The following FOXN4 variants were observed in gnomAD, a reference collection of about 807,000 sequenced individuals.
The protein encoded by FOXN4 is forkhead box protein N4.
FOXN4 carries 12 observed loss-of-function variants against 45.0 expected under a neutral mutation model. That is an observed-to-expected ratio of 0.27 (90% confidence interval 0.17 to 0.43). FOXN4 has a LOEUF of 0.43. Ranked by LOEUF, FOXN4 falls within the 20% of genes least tolerant of loss-of-function variation. The pLI is 1.00. For synonymous variants in FOXN4, 297 were observed against 295.0 expected (o/e 1.01, Z -0.07); for missense variants, 560 against 694.9 (o/e 0.81, Z 2.18).
In FOXN4 at chr12:109,287,989, C is replaced by T. The variant is rs773586751; in HGVS notation, c.358-35G>A. 17 of 1,549,422 alleles carry T rather than the reference C, an allele frequency of 1.1e-5. No individual in the cohort carries two copies. Among genetic ancestry groups the T allele is most frequent in the Non-Finnish European group, 1.4e-5 (16 of 1,146,844 alleles). On this transcript the variant is annotated intron_variant, in intron 4 of 9. Transcript: ENST00000299162. This position sits in a 1 kb window ranked among gnomAD's most constrained non-coding sequence, Gnocchi z 4.1. Reference sequence around the variant, plus strand: ...AGGAAGAGGAGGAGACAGAGGGTCACGGTGGGGGTAGACACCCAGTCTGGA... The same window carrying T: ...AGGAAGAGGAGGAGACAGAGGGTCATGGTGGGGGTAGACACCCAGTCTGGA...
At position 109,281,776 on chromosome 12, in the gene FOXN4, C is replaced by G. The variant is rs267603292; in HGVS notation, c.925G>C (p.Asp309His). 1.3e-6 allele frequency: 2 copies of G among 1,589,200 alleles called. No individual in the cohort carries two copies. The highest frequency in any genetic ancestry group is 1.3e-5 in the African/African-American group (1 of 74,750). Residue 309 changes from aspartate to histidine, a missense_variant, in exon 9 of 10, where the codon GAC becomes CAC. Coordinates refer to ENST00000299162, the MANE Select transcript of FOXN4 (RefSeq NM_213596.3). ...NPEELDKLISDRPESCRRPGK... is the reference protein window; with the variant it reads ...NPEELDKLISHRPESCRRPGK... Reference sequence around the variant, plus strand: ...GGGCGCCGGCAGCTTTCAGGCCGGTCGGAGATCAGCTTGTCCAACTCCTCT... The same window carrying G: ...GGGCGCCGGCAGCTTTCAGGCCGGTGGGAGATCAGCTTGTCCAACTCCTCT...
In FOXN4 at chr12:109,279,632, G is replaced by C. The variant is rs1050823276; in HGVS notation, c.*39C>G. 7 of 1,557,502 alleles carry C rather than the reference G, an allele frequency of 4.5e-6. No individual in the cohort carries two copies. Among genetic ancestry groups the C allele is most frequent in the African/African-American group, 1.4e-5 (1 of 73,424 alleles). Reference sequence around the variant, plus strand: ...CTGTTCTAGTCAGTTCTCTGCCCAAGCCGGGTGCCGGGGTTCCAGGGCAGG... The same window carrying C: ...CTGTTCTAGTCAGTTCTCTGCCCAACCCGGGTGCCGGGGTTCCAGGGCAGG... On this transcript the variant is annotated 3_prime_UTR_variant, in exon 10 of 10. Coordinates refer to ENST00000299162, the MANE Select transcript of FOXN4 (RefSeq NM_213596.3).
intron 8 of FOXN4, among the ~76,000 whole-genome samples, chr12:109,284,904 G>A (rs1363177939): frequency 6.7e-6 from 1 of 149,606 alleles, no homozygotes; most frequent in African/African-American, 2.5e-5. Context: ...ATTGGTCTGT[G>A]TGTGCATTTG....
At position 109,290,851 on chromosome 12, in the gene FOXN4, G is replaced by A. The variant is rs559197816; in HGVS notation, c.87-565C>T. ...GTGGATGATCCTGCCATGTGCTGAG[G>A]CAGCTGAGTGCCTGCTACCTGCCAG... On this transcript the variant is annotated intron_variant, in intron 2 of 9. Transcript: ENST00000299162. This position sits in a 1 kb window ranked among gnomAD's most constrained non-coding sequence, Gnocchi z 5.1. 1.5e-3 allele frequency among the ~76,000 whole-genome samples: 234 copies of A among 152,292 alleles called. No homozygotes were observed. Among genetic ancestry groups the A allele is most frequent in the Admixed American group, 3.3e-3 (50 of 15,306 alleles).
intron 8 of FOXN4, among the ~76,000 whole-genome samples, chr12:109,282,742 T>C (rs982873313): frequency 6.6e-6 from 1 of 152,232 alleles, no homozygotes; most frequent in African/African-American, 2.4e-5. Flanking sequence ...CTCATATTAT[T>C]TTTGATTAAT....
chr12:109,284,386 G>A (rs1049790034), intron 8 of FOXN4, among the ~76,000 whole-genome samples: 4 of 152,244 alleles, frequency 2.6e-5, no homozygotes, highest in Non-Finnish European at 5.9e-5. Flanking sequence ...GACTGGGTAG[G>A]GCATAGGCAG....
At position 109,281,722 on chromosome 12, in the gene FOXN4, C is replaced by T. The variant is rs533374418; in HGVS notation, c.979G>A (p.Val327Met). 1.7e-5 allele frequency: 28 copies of T among 1,610,114 alleles called. No homozygotes were observed. In the South Asian group the frequency reaches 2.3e-4, roughly 13 times the overall value. Residue 327 changes from valine (V) to methionine (M), a missense_variant, in exon 9 of 10, where the codon GTG (valine) becomes ATG (methionine). Around this residue, in one of 5 missense-constraint regions of FOXN4, gnomAD observed 315 missense variants for 350.5 expected, o/e 0.90. Transcript: ENST00000299162. ...PGKPGEPEAP[V>M]LTHATTVAVA... ...GCCACTGTGGTGGCGTGAGTCAGCACGGGGGCCTCTGGTTCCCCCGGTTTG... is the reference window on the plus strand; with the variant it reads ...GCCACTGTGGTGGCGTGAGTCAGCATGGGGGCCTCTGGTTCCCCCGGTTTG...
At position 109,287,755 on chromosome 12, in the gene FOXN4, G is replaced by T; in HGVS notation, c.468+89C>A. 8.0e-7 allele frequency: 1 copy of T among 1,252,928 alleles called. No homozygotes were observed. Among genetic ancestry groups the T allele is most frequent in the Non-Finnish European group, 1.1e-6 (1 of 922,578 alleles). The allele number at this position is 1,252,928 out of a possible 1,614,324, so 77.6% of individuals were successfully genotyped here. A position where few individuals can be genotyped will look rare whatever the true frequency, so the allele number is the denominator to read the frequency against. On this transcript the variant is annotated intron_variant, in intron 5 of 9. Coordinates refer to ENST00000299162, the MANE Select transcript of FOXN4 (RefSeq NM_213596.3). This position sits in a 1 kb window ranked among gnomAD's most constrained non-coding sequence, Gnocchi z 4.1. ...AGGGAATGTTATCCCCATGTGCTGG[G>T]TGAGTAAACTGAGGCTCAGAGGGGT...
chr12:109,285,134 G>A (rs998097804), intron 8 of FOXN4, 170 bp downstream of exon 8: 23 of 365,232 alleles, frequency 6.3e-5, no homozygotes, highest in African/African-American at 4.3e-4. Context: ...CTGTGTGCGT[G>A]TGCGTGTATT....
chr12:109,285,179 C>G, intron 8 of FOXN4, 125 bp downstream of exon 8: 1 of 1,123,952 alleles, frequency 8.9e-7, no homozygotes, highest in Non-Finnish European at 1.3e-6. Flanking sequence ...TGTGCGCGTG[C>G]GTATGCATCG....
At position 109,281,694 on chromosome 12, in the gene FOXN4, A is replaced by G; in HGVS notation, c.1007T>C (p.Val336Ala). 6.2e-7 allele frequency: 1 copy of G among 1,610,906 alleles called. No individual in the cohort carries two copies. Among genetic ancestry groups the G allele is most frequent in the Non-Finnish European group, 8.5e-7 (1 of 1,179,058 alleles). Residue 336 changes from valine (V) to alanine (A), a missense_variant, in exon 9 of 10, where the codon GTG becomes GCG. By Grantham distance (64) the Val-to-Ala change is moderately conservative. Coordinates refer to ENST00000299162, the MANE Select transcript of FOXN4 (RefSeq NM_213596.3). Reference sequence around the variant, plus strand: ...GGAGACAGCCAGGCAGCCATGCGCCACGGCCACTGTGGTGGCGTGAGTCAG... The same window carrying G: ...GGAGACAGCCAGGCAGCCATGCGCCGCGGCCACTGTGGTGGCGTGAGTCAG... ...PVLTHATTVAVAHGCLAVSQL... is the reference protein window; with the variant it reads ...PVLTHATTVAAAHGCLAVSQL...
At chr12:109,295,214 A>T (rs905280280) in intron 2 of FOXN4, among the ~76,000 whole-genome samples, 3 of 152,190 alleles carry the variant, frequency 2.0e-5, no homozygotes, top group African/African-American at 7.2e-5. Flanking sequence ...TGTGTGTAAC[A>T]GAGAGAGCCA....
intron 2 of FOXN4, among the ~76,000 whole-genome samples, chr12:109,303,161 C>T (rs1203578655): frequency 6.6e-6 from 1 of 152,162 alleles, no homozygotes; most frequent in African/African-American, 2.4e-5. Flanking sequence ...GATGAAACTG[C>T]AAGACTGGGA....
rs1209714178 is a variant in FOXN4, at chr12:109,279,708, A to G, written c.1517T>C (p.Leu506Pro). The change falls in exon 10 of 10, where the codon CTG (leucine) becomes CCG (proline). Residue 506 changes from leucine to proline, a missense_variant. Around this residue, in one of 5 missense-constraint regions of FOXN4, gnomAD observed 315 missense variants for 350.5 expected, o/e 0.90. Transcript: ENST00000299162. ...ASGTSSSSQY[L>P]GAQGNKPIAL... The stretch of plus-strand genomic sequence containing the variant: ...TATAGGCTTGTTCCCCTGTGCACCC[A>G]GGTACTGGGAGGAGGAGCTGGTGCC... 3 of 1,573,686 alleles carry G rather than the reference A, an allele frequency of 1.9e-6. No homozygotes were observed. The highest frequency in any genetic ancestry group is 2.6e-6 in the Non-Finnish European group (3 of 1,160,280).
At chr12:109,285,689 G>A (rs552255187) in intron 7 of FOXN4, among the ~76,000 whole-genome samples, 178 bp from the exon 8 acceptor site, 1 of 152,220 alleles carries the variant, frequency 6.6e-6, no homozygotes, top group Admixed American at 6.5e-5. Flanking sequence ...GAGGCCAACT[G>A]GTGTGGCCAT....
At position 109,299,337 on chromosome 12, in the gene FOXN4, C is replaced by T. The variant is rs149169301; in HGVS notation, c.86+8899G>A. On this transcript the variant is annotated intron_variant, in intron 2 of 9. Coordinates refer to ENST00000299162, the MANE Select transcript of FOXN4 (RefSeq NM_213596.3). ...CACACACACGCACGCATGCACACTA[C>T]GCACACGGATGCACACATGTGTGCA... 1.5e-3 allele frequency among the ~76,000 whole-genome samples: 226 copies of T among 152,118 alleles called. 1 individual carries two copies. Among genetic ancestry groups the T allele is most frequent in the African/African-American group, 5.0e-3 (207 of 41,432 alleles).
In FOXN4 at chr12:109,291,898, AGTG is replaced by A; in HGVS notation, c.87-1615_87-1613del. ...GTGGCCCCCATTGTCCCAGGGTCTC[AGTG>A]CAATTGTTTCTGCAGCCCCCCGGCT... On this transcript the variant is annotated intron_variant, in intron 2 of 9. Coordinates refer to ENST00000299162, the MANE Select transcript of FOXN4 (RefSeq NM_213596.3). The surrounding 1 kb of genome is among the most constrained non-coding windows in gnomAD (Gnocchi z 6.6). Among the ~76,000 whole-genome samples, 1 of 152,118 alleles carries A rather than the reference AGTG, an allele frequency of 6.6e-6. No homozygotes were observed. The highest frequency in any genetic ancestry group is 2.1e-4 in the South Asian group (1 of 4,822).
Position 109,279,515 on chromosome 12 carries a change from G to T in FOXN4, c.*156C>A. The T allele has an allele frequency of 1.8e-6, 2 of 1,139,124 alleles. No homozygotes were observed. The highest frequency in any genetic ancestry group is 2.4e-6 in the Non-Finnish European group (2 of 818,450). The allele number at this position is 1,139,124 out of a possible 1,614,324, so 70.6% of individuals were successfully genotyped here. On this transcript the variant is annotated 3_prime_UTR_variant, in exon 10 of 10. Coordinates refer to ENST00000299162, the MANE Select transcript of FOXN4 (RefSeq NM_213596.3). The stretch of plus-strand genomic sequence containing the variant: ...AGGCACGAGAAGGAGAGGGGCTGCT[G>T]AGGGGAACCGCTTCCCTGTCCAGCC...
In FOXN4 at chr12:109,286,750, G is replaced by A; in HGVS notation, c.597-6C>T. On this transcript the variant is annotated splice_region_variant and splice_polypyrimidine_tract_variant and intron_variant, in intron 6 of 9. Coordinates refer to ENST00000299162, the MANE Select transcript of FOXN4 (RefSeq NM_213596.3). ...GGGCCATGGCGATCAGACAGCTGGG[G>A]GCAGGAGGTGGGGCAGGGCAGGGCA... 1 of 1,602,714 alleles carries A rather than the reference G, an allele frequency of 6.2e-7. No homozygotes were observed. The highest frequency in any genetic ancestry group is 8.5e-7 in the Non-Finnish European group (1 of 1,179,266).
Sources: gnomAD v4.1 joint callset for allele counts (sites outside exome capture counted in the v4.1 genomes callset) on GRCh38, gnomAD v4.1.1 for gene constraint, gnomAD v4.1.1 regional missense constraint, Gnocchi (gnomAD v3.1) non-coding constraint, MANE v1.5 for transcripts, NCBI Gene and HGNC (gene_info 2026-07-23, HGNC 2026-07-21) for gene names.